The following C12orf42 variants were observed in gnomAD, a reference collection of about 807,000 sequenced individuals.
C12orf42 encodes the protein uncharacterized protein C12orf42.
C12orf42 carries 25 observed loss-of-function variants against 21.6 expected under a neutral mutation model. The observed-to-expected ratio is 1.16, with a 90% CI of 0.84 to 1.62. C12orf42 has a LOEUF of 1.62. Among genes scored for constraint, C12orf42 ranks in the 40% most tolerant of loss-of-function variants. C12orf42 has a pLI of 0.00. For synonymous variants in C12orf42, 174 were observed against 175.0 expected (o/e 0.99, Z 0.05); for missense variants, 483 against 459.3 (o/e 1.05, Z -0.47).
the C12orf42 span, among the ~76,000 whole-genome samples, chr12:103,104,816 T>A: frequency 2.2e-4 from 33 of 152,246 alleles, 2 homozygotes; most frequent in South Asian, 5.8e-3. Context: ...ACCTGAGGCA[T>A]CCACATAAGG....
the C12orf42 span, among the ~76,000 whole-genome samples, chr12:103,094,620 G>A: frequency 7.9e-5 from 12 of 151,900 alleles, no homozygotes; most frequent in South Asian, 4.1e-4. Flanking sequence ...CTTTAAATAC[G>A]TTATATGTAC....
chr12:103,254,147 T>G (rs944513899), intron 10 of C12orf42, among the ~76,000 whole-genome samples: 17 of 152,156 alleles, frequency 1.1e-4, no homozygotes, highest in Non-Finnish European at 8.8e-5. Context: ...TTGAGTTAAT[T>G]TTTGTATAAG....
At chr12:103,356,473 C>T (rs969559300) in intron 4 of C12orf42, among the ~76,000 whole-genome samples, 9 of 151,954 alleles carry the variant, frequency 5.9e-5, no homozygotes, top group Non-Finnish European at 1.2e-4. Context: ...TGAATAGTGC[C>T]GCAATAAACA....
the C12orf42 span, among the ~76,000 whole-genome samples, chr12:103,134,460 A>G: frequency 1.3e-5 from 2 of 152,196 alleles, no homozygotes; most frequent in African/African-American, 4.8e-5. Flanking sequence ...AAATTCATTA[A>G]ACGAAATACA....
At chr12:103,054,838 TA>T in the C12orf42 span, among the ~76,000 whole-genome samples, 4 of 151,946 alleles carry the variant, frequency 2.6e-5, no homozygotes, top group African/African-American at 9.7e-5. Flanking sequence ...GACCATGTGA[TA>T]TTTTTCATTA....
the C12orf42 span, among the ~76,000 whole-genome samples, chr12:103,150,320 A>C: frequency 6.6e-6 from 1 of 152,248 alleles, no homozygotes; most frequent in African/African-American, 2.4e-5. Context: ...AGAAACAGCT[A>C]TGTGTAAGAA....
chr12:103,546,716 G>A, the C12orf42 span, among the ~76,000 whole-genome samples: 1 of 152,290 alleles, frequency 6.6e-6, no homozygotes, highest in African/African-American at 2.4e-5. Flanking sequence ...AGGACATGCT[G>A]TCCCAAAATA....
intron 4 of C12orf42, among the ~76,000 whole-genome samples, chr12:103,278,323 A>T (rs1303142067): frequency 1.3e-5 from 2 of 152,228 alleles, no homozygotes; most frequent in Non-Finnish European, 2.9e-5. Flanking sequence ...TCCTCCACTG[A>T]ACCAAAATAC....
chr12:103,056,163 G>A, the C12orf42 span, among the ~76,000 whole-genome samples: 10 of 152,150 alleles, frequency 6.6e-5, no homozygotes, highest in African/African-American at 2.4e-4. Flanking sequence ...ATTGTGGATT[G>A]GTATATTTTT....
chr12:103,116,278 C>T, the C12orf42 span, among the ~76,000 whole-genome samples: 3 of 151,504 alleles, frequency 2.0e-5, no homozygotes, highest in Non-Finnish European at 2.9e-5. Context: ...GCGGGAAAAT[C>T]GCTTGAACCT....
At chr12:103,514,293 T>A in the C12orf42 span, among the ~76,000 whole-genome samples, 1 of 152,116 alleles carries the variant, frequency 6.6e-6, no homozygotes, top group East Asian at 1.9e-4. Context: ...AAGATGAGAT[T>A]TGGATGGGAC....
the C12orf42 span, among the ~76,000 whole-genome samples, chr12:103,088,975 G>A: frequency 0.011 from 1,612 of 151,958 alleles, 12 homozygotes; most frequent in South Asian, 0.019. Context: ...TGGTGGTGGC[G>A]CCTGTAGTCC....
chr12:103,291,844 C>A (rs192299412), intron 4 of C12orf42, among the ~76,000 whole-genome samples: 7 of 152,262 alleles, frequency 4.6e-5, no homozygotes, highest in African/African-American at 1.4e-4. Flanking sequence ...CCTGCTTTAA[C>A]CAGATCTTGT....
chr12:103,341,112 C>CAAAAAAAAAAAAAAAA (rs34154888), intron 4 of C12orf42, among the ~76,000 whole-genome samples: 1 of 47,684 alleles, frequency 2.1e-5, no homozygotes, highest in African/African-American at 8.0e-5. Flanking sequence ...GACTCTGTCT[C>CAAAAAAAAAAAAAAAA]AAAAAAAAAA....
the C12orf42 span, among the ~76,000 whole-genome samples, chr12:103,513,588 A>G: frequency 6.6e-6 from 1 of 152,236 alleles, no homozygotes; most frequent in Non-Finnish European, 1.5e-5. Flanking sequence ...TCACTCTCAG[A>G]TTAGAAAATG....
chr12:103,443,688 C>T (rs1051099100), intron 2 of C12orf42, among the ~76,000 whole-genome samples: 2 of 152,040 alleles, frequency 1.3e-5, no homozygotes, highest in African/African-American at 4.8e-5. Context: ...TCATTTGAAA[C>T]CTCTGCTTGG....
At chr12:103,191,379 G>T in the C12orf42 span, among the ~76,000 whole-genome samples, 2 of 151,528 alleles carry the variant, frequency 1.3e-5, no homozygotes, top group Non-Finnish European at 2.9e-5. Flanking sequence ...ATACTGTAAT[G>T]GTGGTGCATG....
In C12orf42 at chr12:103,302,210, T is replaced by C. The variant is rs781740452; in HGVS notation, c.981A>G (p.Leu327=). 7 of 1,612,300 alleles carry C rather than the reference T, an allele frequency of 4.3e-6. No individual in the cohort carries two copies. The highest frequency in any genetic ancestry group is 5.9e-6 in the Non-Finnish European group (7 of 1,179,312). The stretch of plus-strand genomic sequence containing the variant: ...GGGGTGCTGAGGAGCAAACCTTTAT[T>C]AACCTCTTGGAGGGGAAATGGGTGG... ...GASTHFPSKR[L]IKVCSSAPPR... Residue 327 remains leucine (L), a synonymous_variant, in exon 6 of 6, where the codon TTA becomes TTG. Coordinates refer to ENST00000548883, the MANE Select transcript of C12orf42 (RefSeq NM_198521.5).
At chr12:103,415,544 G>A (rs968193425) in intron 2 of C12orf42, among the ~76,000 whole-genome samples, 4 of 152,178 alleles carry the variant, frequency 2.6e-5, no homozygotes, top group Non-Finnish European at 4.4e-5. Context: ...AGCAAGTCTC[G>A]ATTAATTTTT....
Sources: allele counts gnomAD v4.1 joint callset (sites outside exome capture counted in the v4.1 genomes callset), GRCh38; gene constraint gnomAD v4.1.1; transcripts MANE v1.5; gene names NCBI Gene and HGNC (gene_info 2026-07-23, HGNC 2026-07-21).